PIGN: variants seen among roughly 807,000 people sequenced by gnomAD.
The protein encoded by PIGN is GPI ethanolamine phosphate transferase 1.
Under a neutral mutation model 125.4 loss-of-function variants are expected in PIGN, and 117 were observed. The ratio of observed to expected loss-of-function variants is 0.93; its 90% CI spans 0.80 to 1.09. The LOEUF (loss-of-function observed/expected upper bound fraction) is 1.09, where lower values mean the gene tolerates loss of function less well. PIGN is among the 50% of genes least tolerant of loss of function. The pLI is 0.00. For synonymous variants in PIGN, 392 were observed against 377.8 expected (o/e 1.04, Z -0.44); for missense variants, 1,075 against 1,094.9 (o/e 0.98, Z 0.26).
intron 22 of PIGN, among the ~76,000 whole-genome samples, chr18:62,099,153 G>A (rs999935957): frequency 1.1e-4 from 16 of 151,906 alleles, no homozygotes; most frequent in Non-Finnish European, 2.1e-4. Context: ...AAAAATTGTC[G>A]AATTGGCATA....
At chr18:62,149,828 GC>G (rs1474480947) in intron 7 of PIGN, among the ~76,000 whole-genome samples, 1 of 152,128 alleles carries the variant, frequency 6.6e-6, no homozygotes, top group African/African-American at 2.4e-5. Flanking sequence ...AACCACTATA[GC>G]ATCCTGGACT....
chr18:62,172,688 A>C (rs2037382767), intron 1 of PIGN, among the ~76,000 whole-genome samples: 1 of 152,170 alleles, frequency 6.6e-6, no homozygotes, highest in South Asian at 2.1e-4. Flanking sequence ...CCCATTTGCC[A>C]CTGCACTGCT....
intron 30 of PIGN, chr18:62,072,466 C>G: frequency 2.5e-6 from 1 of 399,534 alleles, no homozygotes; most frequent in Non-Finnish European, 4.5e-6. Flanking sequence ...TTACAATTGC[C>G]TACAGTATTC....
intron 28 of PIGN, among the ~76,000 whole-genome samples, chr18:62,077,270 C>T (rs902223817): frequency 2.0e-5 from 3 of 151,886 alleles, no homozygotes; most frequent in Admixed American, 6.6e-5. Flanking sequence ...CCCAGCTACT[C>T]GGGAGGCTGA....
intron 1 of PIGN, among the ~76,000 whole-genome samples, chr18:62,170,448 C>T (rs1019297561): frequency 4.6e-5 from 7 of 152,138 alleles, no homozygotes; most frequent in East Asian, 3.9e-4. Context: ...TGTTGATCTA[C>T]GATCAGTGAT....
At chr18:62,138,841 C>T (rs567159237) in intron 13 of PIGN, 142 bp downstream of exon 13, 11 of 553,096 alleles carry the variant, frequency 2.0e-5, no homozygotes, top group Non-Finnish European at 3.2e-5. Flanking sequence ...AAATGTGAAA[C>T]ACAAGTCAAA....
intron 30 of PIGN, among the ~76,000 whole-genome samples, chr18:62,055,655 A>G (rs1180575815): frequency 6.6e-6 from 1 of 152,186 alleles, no homozygotes; most frequent in Non-Finnish European, 1.5e-5. Flanking sequence ...GAAATAAGGT[A>G]GAGGGTATAG....
intron 14 of PIGN, among the ~76,000 whole-genome samples, chr18:62,129,467 C>T (rs549237796): frequency 6.6e-6 from 1 of 152,290 alleles, no homozygotes; most frequent in South Asian, 2.1e-4. Context: ...ATCAACAAAT[C>T]AAAAGTTCTC....
intron 25 of PIGN, among the ~76,000 whole-genome samples, chr18:62,088,216 T>C (rs2033798234): frequency 6.6e-6 from 1 of 152,192 alleles, no homozygotes; most frequent in Admixed American, 6.5e-5. Flanking sequence ...ATCCCTATGA[T>C]TTCTTGCAGC....
At position 62,090,567 on chromosome 18, in the gene PIGN, A is replaced by G; in HGVS notation, c.2192T>C (p.Leu731Pro). The G allele has an allele frequency of 6.3e-7, 1 of 1,597,192 alleles. No individual in the cohort carries two copies. Among genetic ancestry groups the G allele is most frequent in the Non-Finnish European group, 8.6e-7 (1 of 1,165,684 alleles). Residue 731 changes from leucine (L) to proline (P), a missense_variant, in exon 24 of 31, where the codon CTC (leucine) becomes CCC (proline). This residue lies in a region of PIGN where 915 missense variants were observed against 908.7 expected (regional missense o/e 1.01). Coordinates refer to ENST00000640252, the MANE Select transcript of PIGN (RefSeq NM_176787.5). ...YLLLSTGYEA[L>P]FPLVLSCLMF... ...CAAACAAGACAACACTAGTGGAAAG[A>G]GAGCTTCATACCTAACAGGTGGGGA...
At position 62,145,904 on chromosome 18, in the gene PIGN, T is replaced by C; in HGVS notation, c.922+5A>G. On this transcript the variant is annotated splice_donor_5th_base_variant and intron_variant, in intron 10 of 30. Coordinates refer to ENST00000640252, the MANE Select transcript of PIGN (RefSeq NM_176787.5). ...ATTTATAAACCAGTAAAGAAATGCTTGTACCTTTCAAAAATGCATCATCAA... is the reference window on the plus strand; with the variant it reads ...ATTTATAAACCAGTAAAGAAATGCTCGTACCTTTCAAAAATGCATCATCAA... 2.1e-6 allele frequency: 3 copies of C among 1,401,882 alleles called. No homozygotes were observed. Among genetic ancestry groups the C allele is most frequent in the Non-Finnish European group, 3.0e-6 (3 of 987,696 alleles). 86.8% of individuals were successfully genotyped at this position (1,401,882 alleles called of 1,614,324 possible).
At chr18:62,144,703 T>C (rs2036256615) in intron 10 of PIGN, among the ~76,000 whole-genome samples, 1 of 152,200 alleles carries the variant, frequency 6.6e-6, no homozygotes, top group Non-Finnish European at 1.5e-5. Flanking sequence ...AAATGTATGG[T>C]GAATCTGGAT....
At chr18:62,174,454 T>C (rs919041960) in intron 1 of PIGN, 1 of 152,162 alleles carries the variant, frequency 6.6e-6, no homozygotes, top group Non-Finnish European at 1.5e-5. Flanking sequence ...TGGCATATTA[T>C]AAAGCAAAGG....
intron 1 of PIGN, among the ~76,000 whole-genome samples, chr18:62,175,273 A>G (rs1304695776): frequency 6.6e-6 from 1 of 151,626 alleles, no homozygotes; most frequent in Non-Finnish European, 1.5e-5. Context: ...AAACTACACA[A>G]TGTAAGTTTC....
Position 62,113,140 on chromosome 18 carries a change from T to G in PIGN, c.1428A>C (p.Glu476Asp), listed in dbSNP as rs182470608. 13 of 1,605,156 alleles carry G rather than the reference T, an allele frequency of 8.1e-6. No individual in the cohort carries two copies. Among genetic ancestry groups the G allele is most frequent in the Middle Eastern group, 1.7e-4 (1 of 6,048 alleles). Reference sequence around the variant, plus strand: ...TCACATTTTCTAAACGTACCTTCACTTCTTTACTAACACCTTTTATAAGGT... The same window carrying G: ...TCACATTTTCTAAACGTACCTTCACGTCTTTACTAACACCTTTTATAAGGT... The part of the protein sequence containing the change: ...HSNLIKGVSK[E>D]VKKPSHLLPC... The change falls in exon 16 of 31, where the codon GAA becomes GAC. Residue 476 changes from glutamate (E) to aspartate (D), a missense_variant. Transcript: ENST00000640252.
intron 1 of PIGN, among the ~76,000 whole-genome samples, chr18:62,183,260 G>GA (rs11424248): frequency 0.58 from 86,050 of 149,410 alleles, 25,505 homozygotes; most frequent in East Asian, 0.78. Flanking sequence ...GTCACAGCTG[G>GA]AAAAAAAAAA....
intron 14 of PIGN, among the ~76,000 whole-genome samples, chr18:62,133,626 G>A (rs2035819108): frequency 6.6e-6 from 1 of 152,014 alleles, no homozygotes; most frequent in Admixed American, 6.6e-5. Flanking sequence ...TATATTGCCT[G>A]TTATGTCCTT....
intron 30 of PIGN, among the ~76,000 whole-genome samples, chr18:62,071,570 A>G (rs1488981816): frequency 6.6e-6 from 1 of 152,040 alleles, no homozygotes; most frequent in African/African-American, 2.4e-5. Context: ...GAGTGTAGTC[A>G]TGCACCACAT....
chr18:62,068,638 T>A (rs1449991849), intron 30 of PIGN, among the ~76,000 whole-genome samples: 4 of 152,210 alleles, frequency 2.6e-5, no homozygotes, highest in African/African-American at 7.2e-5. Context: ...CACACCTTTA[T>A]GTTTTCACTT....
Sources: gnomAD v4.1 joint callset for allele counts (sites outside exome capture counted in the v4.1 genomes callset) on GRCh38, gnomAD v4.1.1 for gene constraint, gnomAD v4.1.1 regional missense constraint, MANE v1.5 for transcripts, NCBI Gene and HGNC (gene_info 2026-07-23, HGNC 2026-07-21) for gene names.